Variants in RIMS2 observed in about 807,000 individuals in gnomAD.
The protein encoded by RIMS2 is regulating synaptic membrane exocytosis 2, also known as regulating synaptic membrane exocytosis protein 2.
Under a neutral mutation model 174.4 loss-of-function variants are expected in RIMS2, and 59 were observed. The observed-to-expected ratio is 0.34, with a 90% CI of 0.27 to 0.42. The LOEUF (loss-of-function observed/expected upper bound fraction) is 0.42. Ranked by LOEUF, RIMS2 falls within the 10% of genes least tolerant of loss-of-function variation. RIMS2 has a pLI of 1.00. For synonymous variants in RIMS2, 606 were observed against 572.5 expected, an observed-to-expected ratio of 1.06 and a Z score of -0.84; for missense variants, 1,620 against 1,666.3, an observed-to-expected ratio of 0.97 and a Z score of 0.48.
At chr8:103,701,699 G>T (rs747602540) in intron 2 of RIMS2, among the ~76,000 whole-genome samples, 8 of 151,792 alleles carry the variant, frequency 5.3e-5, no homozygotes, top group Non-Finnish European at 1.2e-4. Context: ...GTCTTTCCGG[G>T]CCTGGCTTAT....
At chr8:103,539,681 C>A (rs1841607942) in intron 1 of RIMS2, among the ~76,000 whole-genome samples, 1 of 152,194 alleles carries the variant, frequency 6.6e-6, no homozygotes, top group Non-Finnish European at 1.5e-5. Context: ...CCAGAGAGGG[C>A]TACACAGCTG....
chr8:104,107,967 G>GCCCCCC (rs11322161), intron 19 of RIMS2, among the ~76,000 whole-genome samples: 1 of 141,162 alleles, frequency 7.1e-6, no homozygotes, highest in Non-Finnish European at 1.5e-5. Context: ...TCTTTCCCCT[G>GCCCCCC]CCCCCCCCCC....
chr8:103,972,210 C>T (rs542409475), intron 15 of RIMS2, among the ~76,000 whole-genome samples: 1 of 152,246 alleles, frequency 6.6e-6, no homozygotes, highest in East Asian at 1.9e-4. Context: ...CTTAACATGT[C>T]CAAAACTAAA....
At chr8:104,067,611 C>T (rs1052144880) in intron 19 of RIMS2, among the ~76,000 whole-genome samples, 2 of 152,034 alleles carry the variant, frequency 1.3e-5, no homozygotes, top group African/African-American at 4.8e-5. Flanking sequence ...AGGATGGTCT[C>T]GAACTCCTGG....
chr8:103,877,909 T>C (rs1358483373), intron 3 of RIMS2, among the ~76,000 whole-genome samples: 1 of 151,674 alleles, frequency 6.6e-6, no homozygotes, highest in East Asian at 1.9e-4. Flanking sequence ...ATGATTACTT[T>C]CATCAATGTT....
At chr8:103,767,323 G>A (rs2098186679) in intron 3 of RIMS2, among the ~76,000 whole-genome samples, 2 of 151,864 alleles carry the variant, frequency 1.3e-5, no homozygotes, top group African/African-American at 2.4e-5. Flanking sequence ...GAGTAGCTGG[G>A]ACTACAAGTG....
At chr8:104,238,137 A>G (rs1307930672) in intron 19 of RIMS2, among the ~76,000 whole-genome samples, 3 of 152,184 alleles carry the variant, frequency 2.0e-5, no homozygotes, top group South Asian at 4.1e-4. Flanking sequence ...CAATGAGTTC[A>G]TGTCCTTTGC....
intron 19 of RIMS2, among the ~76,000 whole-genome samples, chr8:104,243,008 T>G (rs1219544790): frequency 6.6e-6 from 1 of 152,230 alleles, no homozygotes; most frequent in Non-Finnish European, 1.5e-5. Flanking sequence ...CTTATATCAT[T>G]GATTCCAATG....
chr8:104,232,649 T>C (rs1437885002), intron 19 of RIMS2, among the ~76,000 whole-genome samples: 1 of 152,200 alleles, frequency 6.6e-6, no homozygotes, highest in Non-Finnish European at 1.5e-5. Flanking sequence ...TCAGGACTCA[T>C]GGCAAATCAC....
At chr8:104,131,308 C>A (rs1231788945) in intron 19 of RIMS2, among the ~76,000 whole-genome samples, 1 of 152,042 alleles carries the variant, frequency 6.6e-6, no homozygotes, top group Non-Finnish European at 1.5e-5. Flanking sequence ...GGAAACTAAA[C>A]CAACCTAAAC....
At chr8:104,156,480 G>A (rs1256777616) in intron 19 of RIMS2, among the ~76,000 whole-genome samples, 1 of 152,158 alleles carries the variant, frequency 6.6e-6, no homozygotes, top group Admixed American at 6.5e-5. Flanking sequence ...CTGCCACACA[G>A]CATTAAGCCA....
chr8:103,570,714 T>C (rs1386234037), intron 1 of RIMS2, among the ~76,000 whole-genome samples: 2 of 152,184 alleles, frequency 1.3e-5, no homozygotes, highest in African/African-American at 2.4e-5. Context: ...ATCTTAAAGA[T>C]AGCTTGTTCA....
At chr8:103,793,752 A>G (rs1000988705) in intron 3 of RIMS2, among the ~76,000 whole-genome samples, 2 of 152,200 alleles carry the variant, frequency 1.3e-5, no homozygotes, top group Non-Finnish European at 2.9e-5. Flanking sequence ...TACAAAATCA[A>G]TGTGCAAAAA....
intron 1 of RIMS2, among the ~76,000 whole-genome samples, chr8:103,511,100 G>T (rs1047981404): frequency 6.6e-6 from 1 of 152,076 alleles, no homozygotes; most frequent in African/African-American, 2.4e-5. Flanking sequence ...CCGCCAATCT[G>T]CATTCCACTT....
intron 2 of RIMS2, among the ~76,000 whole-genome samples, chr8:103,755,361 A>AT (rs1411131756): frequency 2.0e-5 from 3 of 151,322 alleles, no homozygotes; most frequent in Middle Eastern, 3.4e-3. Context: ...TTCCCTTAAT[A>AT]TTTTTTCCTT....
At chr8:104,012,452 G>T (rs1398048670) in intron 17 of RIMS2, among the ~76,000 whole-genome samples, 1 of 151,578 alleles carries the variant, frequency 6.6e-6, no homozygotes, top group African/African-American at 2.4e-5. Flanking sequence ...TTAGCTTTGA[G>T]GGAGACTAAT....
At chr8:103,604,401 G>A (rs1293381764) in intron 1 of RIMS2, among the ~76,000 whole-genome samples, 1 of 152,022 alleles carries the variant, frequency 6.6e-6, no homozygotes, top group African/African-American at 2.4e-5. Flanking sequence ...GGTTACTATA[G>A]CCTTGTAGTA....
At chr8:103,904,486 A>AT (rs1030053691) in intron 4 of RIMS2, among the ~76,000 whole-genome samples, 7 of 151,064 alleles carry the variant, frequency 4.6e-5, no homozygotes, top group East Asian at 3.9e-4. Context: ...GTTCCCCTCA[A>AT]TTTTTTTTTA....
intron 3 of RIMS2, among the ~76,000 whole-genome samples, chr8:103,858,495 G>A (rs927680013): frequency 2.4e-4 from 36 of 151,728 alleles, no homozygotes; most frequent in Admixed American, 2.1e-3. Flanking sequence ...GAGATTGGCC[G>A]AGCTCATCTA....
Sources: allele counts gnomAD v4.1 joint callset (sites outside exome capture counted in the v4.1 genomes callset), GRCh38; gene constraint gnomAD v4.1.1; transcripts MANE v1.5; gene names NCBI Gene and HGNC (gene_info 2026-07-23, HGNC 2026-07-21).